The following TAFA5 variants were observed in gnomAD, a reference collection of about 807,000 sequenced individuals.
TAFA5 encodes the protein TAFA chemokine like family member 5.
A neutral mutation model predicts 15.3 loss-of-function variants in TAFA5; 6 were observed. The observed-to-expected ratio is 0.39, with a 90% CI of 0.21 to 0.77. The LOEUF is 0.77. TAFA5 is among the 30% of genes least tolerant of loss of function. The probability of loss-of-function intolerance (pLI) is 0.41; values close to 1 mark genes in which losing one functional copy is unlikely to be tolerated. For missense variants in TAFA5, 161 were observed against 193.1 expected, an observed-to-expected ratio of 0.83 and a Z score of 0.98; for synonymous variants, 103 against 80.7, an observed-to-expected ratio of 1.28 and a Z score of -1.48.
At chr22:48,584,459 C>T (rs552227484) in intron 1 of TAFA5, among the ~76,000 whole-genome samples, 1 of 149,544 alleles carries the variant, frequency 6.7e-6, no homozygotes, top group African/African-American at 2.5e-5. Context: ...ACGTACACAC[C>T]ACACACAAAA....
chr22:48,659,816 C>T (rs186439476), intron 2 of TAFA5, among the ~76,000 whole-genome samples: 205 of 152,322 alleles, frequency 1.3e-3, no homozygotes, highest in African/African-American at 4.6e-3. Flanking sequence ...CCTCCCTTAG[C>T]GCAGGCCCTG....
chr22:48,734,067 G>A (rs1357703551), intron 3 of TAFA5, among the ~76,000 whole-genome samples: 3 of 152,196 alleles, frequency 2.0e-5, no homozygotes, highest in East Asian at 1.9e-4. Context: ...CACAAAAACC[G>A]TTGCTGCTGA....
At chr22:48,614,242 A>G (rs1925517919) in intron 1 of TAFA5, among the ~76,000 whole-genome samples, 1 of 152,188 alleles carries the variant, frequency 6.6e-6, no homozygotes, top group Non-Finnish European at 1.5e-5. Flanking sequence ...GAAAATTGTC[A>G]TAGATACAAA....
chr22:48,507,099 G>A (rs1921018363), intron 1 of TAFA5, among the ~76,000 whole-genome samples: 1 of 152,126 alleles, frequency 6.6e-6, no homozygotes, highest in Non-Finnish European at 1.5e-5. Flanking sequence ...GTATGCAGTT[G>A]GAGGAGAAGG....
intron 2 of TAFA5, among the ~76,000 whole-genome samples, chr22:48,650,230 C>T (rs971155106): frequency 3.9e-5 from 6 of 152,196 alleles, no homozygotes; most frequent in African/African-American, 7.2e-5. Flanking sequence ...CTGCCCCTAC[C>T]GCGTTCCGTG....
At chr22:48,633,919 G>A (rs1181866553) in intron 1 of TAFA5, among the ~76,000 whole-genome samples, 1 of 152,218 alleles carries the variant, frequency 6.6e-6, no homozygotes, top group African/African-American at 2.4e-5. Flanking sequence ...ACAATCGTGG[G>A]TGAGAAACAG....
intron 1 of TAFA5, among the ~76,000 whole-genome samples, chr22:48,587,861 G>T (rs1027266983): frequency 6.6e-6 from 1 of 152,244 alleles, no homozygotes; most frequent in Admixed American, 6.5e-5. Flanking sequence ...TCACGCAGAG[G>T]CGGCCTTCTG....
chr22:48,528,987 G>C (rs1019145767), intron 1 of TAFA5, among the ~76,000 whole-genome samples: 5 of 152,190 alleles, frequency 3.3e-5, no homozygotes, highest in African/African-American at 1.2e-4. Flanking sequence ...CAGGCAGGTG[G>C]GGTGCATGGG....
At chr22:48,494,193 C>T (rs184501387) in intron 1 of TAFA5, among the ~76,000 whole-genome samples, 105 of 152,168 alleles carry the variant, frequency 6.9e-4, no homozygotes, top group African/African-American at 2.4e-3. Flanking sequence ...CTTTTATGGG[C>T]GTAATTATGG....
At chr22:48,619,711 A>C (rs912089534) in intron 1 of TAFA5, among the ~76,000 whole-genome samples, 4 of 152,232 alleles carry the variant, frequency 2.6e-5, no homozygotes. Context: ...GACCGGACTC[A>C]GGGCCTCAGT....
intron 1 of TAFA5, among the ~76,000 whole-genome samples, chr22:48,548,308 G>A (rs1005688628): frequency 1.3e-5 from 2 of 152,240 alleles, no homozygotes; most frequent in African/African-American, 4.8e-5. Flanking sequence ...CCGCCTCTCT[G>A]GGTCATCATC....
intron 1 of TAFA5, among the ~76,000 whole-genome samples, chr22:48,596,871 C>T (rs984443890): frequency 6.6e-6 from 1 of 152,194 alleles, no homozygotes; most frequent in Non-Finnish European, 1.5e-5. Flanking sequence ...TGCAGTGGTG[C>T]GACCTCAGCT....
At chr22:48,630,364 G>A (rs1435615824) in intron 1 of TAFA5, among the ~76,000 whole-genome samples, 1 of 152,184 alleles carries the variant, frequency 6.6e-6, no homozygotes, top group Non-Finnish European at 1.5e-5. Flanking sequence ...AGAGGGGCAG[G>A]CGCCCAGAGC....
At chr22:48,568,802 C>T (rs1923489403) in intron 1 of TAFA5, among the ~76,000 whole-genome samples, 1 of 152,210 alleles carries the variant, frequency 6.6e-6, no homozygotes, top group Non-Finnish European at 1.5e-5. Flanking sequence ...ACTGCCAGCC[C>T]AGGCTCCCTT....
intron 1 of TAFA5, among the ~76,000 whole-genome samples, chr22:48,542,328 TGTGTG>T (rs1316178136): frequency 7.4e-6 from 1 of 135,816 alleles, no homozygotes; most frequent in Non-Finnish European, 1.5e-5. Context: ...GTGTGTGATG[TGTGTG>T]GTGTGTGTGT....
intron 2 of TAFA5, chr22:48,693,447 C>G (rs1349538176): frequency 1.2e-6 from 2 of 1,602,282 alleles, no homozygotes; most frequent in Non-Finnish European, 1.7e-6. Flanking sequence ...GACTGCGACT[C>G]TTGCAGATGG....
intron 2 of TAFA5, among the ~76,000 whole-genome samples, chr22:48,647,096 C>T (rs1360209985): frequency 1.3e-5 from 2 of 152,200 alleles, no homozygotes; most frequent in Admixed American, 1.3e-4. Context: ...GCAAGGTCCC[C>T]TGGGTGCCGT....
At chr22:48,655,573 G>C (rs978757700) in intron 2 of TAFA5, among the ~76,000 whole-genome samples, 1 of 152,144 alleles carries the variant, frequency 6.6e-6, no homozygotes, top group Admixed American at 6.5e-5. Context: ...TCTCCAGGAT[G>C]GTGGAGCTTT....
rs144223539 is a variant in TAFA5 at position 48,672,640 on chromosome 22, C to T, written c.262+25894C>T. Among the ~76,000 whole-genome samples the T allele has an allele frequency of 3.3e-5, 5 of 152,292 alleles. No homozygotes were observed. In the East Asian group the frequency reaches 9.6e-4, roughly 29 times the overall value. ...CAGCCTACATGATGGCTGTGTGATA[C>T]CTCACTCCTTTGCTCATCACCCCTC... On this transcript the variant is annotated intron_variant, in intron 2 of 3. Transcript: ENST00000402357.
Sources: gnomAD v4.1 joint callset for allele counts (sites outside exome capture counted in the v4.1 genomes callset) on GRCh38, gnomAD v4.1.1 for gene constraint, MANE v1.5 for transcripts, NCBI Gene and HGNC (gene_info 2026-07-23, HGNC 2026-07-21) for gene names.